Variants in RNF223 observed in about 807,000 individuals in gnomAD.
The protein encoded by RNF223 is ring finger protein 223.
A neutral mutation model predicts 13.9 loss-of-function variants in RNF223; 10 were observed. The ratio of observed to expected loss-of-function variants is 0.72; its 90% CI spans 0.44 to 1.22. RNF223 has a LOEUF of 1.22. Ranked by LOEUF, RNF223 falls within the 50% of genes most tolerant of loss-of-function variation. RNF223 has a pLI of 0.00. For synonymous variants in RNF223, 168 were observed against 173.3 expected (o/e 0.97, Z 0.24); for missense variants, 379 against 380.0 (o/e 1.00, Z 0.02).
Position 1,072,570 on chromosome 1 carries a change from T to C in RNF223, c.-4A>G. On this transcript the variant is annotated 5_prime_UTR_variant, in exon 2 of 2. Coordinates refer to ENST00000453464, the MANE Select transcript of RNF223 (RefSeq NM_001205252.2). ...ACACCTGCTGGCCTGACGACATGTC[T>C]CTGAGCTGTGGGACAGGGACTGTGG... 1.3e-6 allele frequency: 2 copies of C among 1,507,652 alleles called. No individual in the cohort carries two copies. Among genetic ancestry groups the C allele is most frequent in the Non-Finnish European group, 1.8e-6 (2 of 1,134,754 alleles). 93.4% of individuals were successfully genotyped at this position (1,507,652 alleles called of 1,614,324 possible).
chr1:1,072,026 G>A lies in RNF223; in HGVS notation c.541C>T (p.Arg181Trp), dbSNP rs182217004. ...PAPARDPAPR[R>W]GRLARCWARC... ...GCCCAGCAGCGGGCCAGGCGGCCCC[G>A]GCGGGGGGCAGGGTCCCGGGCGGGC... Residue 181 changes from arginine to tryptophan, a missense_variant, in exon 2 of 2, where the codon CGG becomes TGG. Arg to Trp is a moderately radical substitution (Grantham distance 101). Transcript: ENST00000453464. 9.1e-4 allele frequency: 1,352 copies of A among 1,493,218 alleles called. 1 individual carries two copies. The highest frequency in any genetic ancestry group is 1.1e-3 in the Non-Finnish European group (1,241 of 1,129,338). 92.5% of individuals were successfully genotyped at this position (1,493,218 alleles called of 1,614,324 possible).
rs755523068 is a variant in RNF223, at chr1:1,072,243, C to T, written c.324G>A (p.Pro108=). 104 of 1,444,064 alleles carry T rather than the reference C, an allele frequency of 7.2e-5. 1 individual carries two copies. The highest frequency in any genetic ancestry group is 4.1e-4 in the East Asian group (15 of 36,940). The allele number at this position is 1,444,064 out of a possible 1,614,324, so 89.5% of individuals were successfully genotyped here. A position where few individuals can be genotyped will look rare whatever the true frequency, so the allele number is the denominator to read the frequency against. ...CPFCRQPTAV[P]PAGAPALCTS... Reference sequence around the variant, plus strand: ...TGCACAGCGCGGGGGCTCCGGCGGGCGGCACGGCCGTGGGCTGCCTGCAGA... The same window carrying T: ...TGCACAGCGCGGGGGCTCCGGCGGGTGGCACGGCCGTGGGCTGCCTGCAGA... The change falls in exon 2 of 2, where the codon CCG becomes CCA. Residue 108 remains proline, a synonymous_variant. Transcript: ENST00000453464.
rs150697107 is a variant in RNF223, at chr1:1,072,608, G to A, written c.-9-33C>T. 3.3e-3 allele frequency: 4,728 copies of A among 1,430,282 alleles called. 9 individuals are homozygous for A. The highest frequency in any genetic ancestry group is 4.0e-3 in the Non-Finnish European group (4,349 of 1,093,368). 88.6% of individuals were successfully genotyped at this position (1,430,282 alleles called of 1,614,324 possible). Reference sequence around the variant, plus strand: ...ACAGGGACTGTGGTAAGCAATCACCGGCCGCCCCTTTCTGGTGGTGTTTTA... The same window carrying A: ...ACAGGGACTGTGGTAAGCAATCACCAGCCGCCCCTTTCTGGTGGTGTTTTA... On this transcript the variant is annotated intron_variant, in intron 1 of 1. Transcript: ENST00000453464.
Position 1,072,028 on chromosome 1 carries a change from C to T in RNF223, c.539G>A (p.Arg180His), listed in dbSNP as rs1159537437. ...CCAGCAGCGGGCCAGGCGGCCCCGGCGGGGGGCAGGGTCCCGGGCGGGCGC... is the reference window on the plus strand; with the variant it reads ...CCAGCAGCGGGCCAGGCGGCCCCGGTGGGGGGCAGGGTCCCGGGCGGGCGC... ...PPAPARDPAP[R>H]RGRLARCWAR... The change falls in exon 2 of 2, where the codon CGC becomes CAC. Residue 180 changes from arginine to histidine, a missense_variant. Arg to His is a conservative substitution (Grantham distance 29). Coordinates refer to ENST00000453464, the MANE Select transcript of RNF223 (RefSeq NM_001205252.2). The T allele has an allele frequency of 1.1e-5, 16 of 1,491,384 alleles. No homozygotes were observed. The highest frequency in any genetic ancestry group is 1.2e-5 in the Non-Finnish European group (14 of 1,128,522). 92.4% of individuals were successfully genotyped at this position (1,491,384 alleles called of 1,614,324 possible).
At chr1:1,073,032 G>A (rs1645654158) in intron 1 of RNF223, among the ~76,000 whole-genome samples, 1 of 152,264 alleles carries the variant, frequency 6.6e-6, no homozygotes, top group South Asian at 2.1e-4. Context: ...CCCAGAGCAT[G>A]GGTGACTCGG....
At chr1:1,073,885 T>C (rs1474137389) in intron 1 of RNF223, 131 bp downstream of exon 1, 2 of 152,206 alleles carry the variant, frequency 1.3e-5, no homozygotes, top group Admixed American at 6.5e-5. Context: ...CACCGGGACC[T>C]GGGGACTGTG....
chr1:1,071,891 A>G lies in RNF223; in HGVS notation c.676T>C (p.Cys226Arg). ...GGGGGCCGGGGGGGCAGGGGCAGGC[A>G]GCGCAGGTTCCCGGTCTTGAGCGCG... ...QCALKTGNLR[C>R]LPLPPRPPAT... is the part of the protein sequence containing the mutation. Residue 226 changes from cysteine to arginine, a missense_variant, in exon 2 of 2, where the codon TGC becomes CGC. Physicochemically the swap from Cys to Arg is radical, Grantham distance 180. Transcript: ENST00000453464. 2 of 1,532,762 alleles carry G rather than the reference A, an allele frequency of 1.3e-6. No individual in the cohort carries two copies. Among genetic ancestry groups the G allele is most frequent in the Non-Finnish European group, 1.7e-6 (2 of 1,145,276 alleles). The allele number at this position is 1,532,762 out of a possible 1,614,324, so 94.9% of individuals were successfully genotyped here.
chr1:1,072,280 A>T lies in RNF223; in HGVS notation c.287T>A (p.Val96Glu). The change falls in exon 2 of 2, where the codon GTA becomes GAA. Residue 96 changes from valine (V) to glutamate (E), a missense_variant. Transcript: ENST00000453464. ...QPVGRPGGEA[V>E]PCPFCRQPTA... ...GGGCTGCCTGCAGAAGGGGCAAGGT[A>T]CAGCCTCACCACCGGGGCGGCCCAC... The T allele has an allele frequency of 6.9e-7, 1 of 1,446,398 alleles. No homozygotes were observed. 89.6% of individuals were successfully genotyped at this position (1,446,398 alleles called of 1,614,324 possible).
rs1645639684 is a variant in RNF223, at chr1:1,071,671, G to A, written c.*146C>T. 4.6e-6 allele frequency: 3 copies of A among 654,044 alleles called. No homozygotes were observed. Among genetic ancestry groups the A allele is most frequent in the Non-Finnish European group, 7.3e-6 (3 of 411,026 alleles). 40.5% of individuals were successfully genotyped at this position (654,044 alleles called of 1,614,324 possible). ...CTAAATGGAGCCTGGTCTTGGTGGG[G>A]CCCCGGTGGAGTCCTCAGAGATGCC... On this transcript the variant is annotated 3_prime_UTR_variant, in exon 2 of 2. Transcript: ENST00000453464.
chr1:1,072,631 T>G, intron 1 of RNF223, 56 bp from the exon 2 acceptor site: 2 of 1,344,232 alleles, frequency 1.5e-6, no homozygotes, highest in Non-Finnish European at 9.8e-7. Context: ...TGGTGGTGTT[T>G]TATCTCTCCC....
intron 1 of RNF223, among the ~76,000 whole-genome samples, chr1:1,073,708 C>G (rs1343189441): frequency 6.6e-6 from 1 of 152,130 alleles, no homozygotes; most frequent in Non-Finnish European, 1.5e-5. Context: ...AAGGGCCTGG[C>G]CGTGCGTCCC....
rs1352189996 is a variant in RNF223, at chr1:1,071,772, A to G, written c.*45T>C. ...TGGGCCCCCCAGTGGGGGACGCCCC[A>G]TGGAGCTGGGCGAGGGCGGCTGACC... On this transcript the variant is annotated 3_prime_UTR_variant, in exon 2 of 2. Transcript: ENST00000453464. 2.9e-6 allele frequency: 4 copies of G among 1,399,422 alleles called. No homozygotes were observed. Among genetic ancestry groups the G allele is most frequent in the Non-Finnish European group, 3.7e-6 (4 of 1,075,660 alleles). The allele number at this position is 1,399,422 out of a possible 1,614,324, so 86.7% of individuals were successfully genotyped here. A position where few individuals can be genotyped will look rare whatever the true frequency, so the allele number is the denominator to read the frequency against.
At position 1,071,587 on chromosome 1, in the gene RNF223, T is replaced by G; in HGVS notation, c.*230A>C. 10 of 452,458 alleles carry G rather than the reference T, an allele frequency of 2.2e-5. No individual in the cohort carries two copies. The highest frequency in any genetic ancestry group is 1.1e-4 in the East Asian group (3 of 26,632). The allele number at this position is 452,458 out of a possible 1,614,324, so 28.0% of individuals were successfully genotyped here. A position where few individuals can be genotyped will look rare whatever the true frequency, so the allele number is the denominator to read the frequency against. ...GGTGAGACTGTGGTTCTTGGAGGCT[T>G]TGGGGATCCTCTTGTCCACCCCGTC... On this transcript the variant is annotated 3_prime_UTR_variant, in exon 2 of 2. Coordinates refer to ENST00000453464, the MANE Select transcript of RNF223 (RefSeq NM_001205252.2).
Position 1,071,761 on chromosome 1 carries a change from G to T in RNF223, c.*56C>A. 7.3e-7 allele frequency: 1 copy of T among 1,376,708 alleles called. No individual in the cohort carries two copies. The highest frequency in any genetic ancestry group is 1.6e-5 in the South Asian group (1 of 63,222). 85.3% of individuals were successfully genotyped at this position (1,376,708 alleles called of 1,614,324 possible). A position where few individuals can be genotyped will look rare whatever the true frequency, so the allele number is the denominator to read the frequency against. ...TGCTGTGCCCTTGGGCCCCCCAGTG[G>T]GGGACGCCCCATGGAGCTGGGCGAG... On this transcript the variant is annotated 3_prime_UTR_variant, in exon 2 of 2. Transcript: ENST00000453464.
Position 1,071,980 on chromosome 1 carries a change from C to A in RNF223, c.587G>T (p.Arg196Leu). The change falls in exon 2 of 2, where the codon CGC (arginine) becomes CTC (leucine). Residue 196 changes from arginine (R) to leucine (L), a missense_variant. Physicochemically the swap from Arg to Leu is moderately radical, Grantham distance 102 (BLOSUM62 -2). Transcript: ENST00000453464. ...CAGCAGGGCAGAGACCAGTGCCATG[C>A]GCCTCCAGTCCCTGCAGCGCGCCCA... The part of the protein sequence containing the change: ...RCWARCRDWR[R>L]MALVSALLLM... 2 of 1,523,476 alleles carry A rather than the reference C, an allele frequency of 1.3e-6. No homozygotes were observed. Among genetic ancestry groups the A allele is most frequent in the Non-Finnish European group, 1.8e-6 (2 of 1,142,092 alleles). 94.4% of individuals were successfully genotyped at this position (1,523,476 alleles called of 1,614,324 possible).
chr1:1,071,836 C>T lies in RNF223; in HGVS notation c.731G>A (p.Gly244Glu), dbSNP rs1645640987. 1.3e-6 allele frequency: 2 copies of T among 1,514,166 alleles called. No individual in the cohort carries two copies. The highest frequency in any genetic ancestry group is 2.0e-5 in the Admixed American group (1 of 49,118). 93.8% of individuals were successfully genotyped at this position (1,514,166 alleles called of 1,614,324 possible). The change falls in exon 2 of 2, where the codon GGG becomes GAG. Residue 244 changes from glycine (G) to glutamate (E), a missense_variant. Transcript: ENST00000453464. ...CTGGCCCTAATTATCAGTCAGAGGC[C>T]CGAGGGGGGAGGCGGCTGTGCTGGT... ...PATSTAASPL[G>E]PLTDN
chr1:1,072,044 G>T lies in RNF223; in HGVS notation c.523C>A (p.Arg175=). The T allele has an allele frequency of 6.7e-7, 1 of 1,487,264 alleles. No individual in the cohort carries two copies. 92.1% of individuals were successfully genotyped at this position (1,487,264 alleles called of 1,614,324 possible). A position where few individuals can be genotyped will look rare whatever the true frequency, so the allele number is the denominator to read the frequency against. The change falls in exon 2 of 2, where the codon CGG becomes AGG. Residue 175 remains arginine (R), a synonymous_variant. Coordinates refer to ENST00000453464, the MANE Select transcript of RNF223 (RefSeq NM_001205252.2). The part of the protein sequence containing the change: ...SKPAEPPAPA[R]DPAPRRGRLA... Reference sequence around the variant, plus strand: ...CGGCCCCGGCGGGGGGCAGGGTCCCGGGCGGGCGCGGGCGGCTCGGCAGGC... The same window carrying T: ...CGGCCCCGGCGGGGGGCAGGGTCCCTGGCGGGCGCGGGCGGCTCGGCAGGC...
intron 1 of RNF223, among the ~76,000 whole-genome samples, chr1:1,073,384 G>T (rs1037228623): frequency 6.6e-6 from 1 of 152,208 alleles, no homozygotes; most frequent in East Asian, 1.9e-4. Flanking sequence ...ACAGTGTGGG[G>T]GTGGGACTTG....
At chr1:1,072,740 G>A (rs1008732502) in intron 1 of RNF223, among the ~76,000 whole-genome samples, 165 bp from the exon 2 acceptor site, 7 of 152,158 alleles carry the variant, frequency 4.6e-5, no homozygotes, top group Non-Finnish European at 1.0e-4. Context: ...TCTGCCCCAC[G>A]TGCAATCCTG....
Sources: gnomAD v4.1 joint callset for allele counts (sites outside exome capture counted in the v4.1 genomes callset) on GRCh38, gnomAD v4.1.1 for gene constraint, MANE v1.5 for transcripts, NCBI Gene and HGNC (gene_info 2026-07-23, HGNC 2026-07-21) for gene names.